Variants in ASTN2 observed in about 807,000 individuals in gnomAD.
ASTN2 encodes astrotactin-2.
In ASTN2, 54 loss-of-function variants were observed where a neutral mutation model predicts 139.8. The ratio of observed to expected loss-of-function variants is 0.39; its 90% confidence interval spans 0.31 to 0.48. ASTN2 has a LOEUF of 0.48. Among genes scored for constraint, ASTN2 ranks in the 20% least tolerant of loss-of-function variants. The pLI is 0.95. For missense variants in ASTN2, 1,565 were observed against 1,725.1 expected (o/e 0.91, Z 1.64); for synonymous variants, 756 against 719.5 (o/e 1.05, Z -0.81).
chr9:117,381,084 T>C (rs1403806265), intron 1 of ASTN2, among the ~76,000 whole-genome samples: 1 of 152,208 alleles, frequency 6.6e-6, no homozygotes, highest in Non-Finnish European at 1.5e-5. Flanking sequence ...TGCTGATAGA[T>C]GTTTCAATAT....
chr9:117,065,229 G>T (rs1827901434), intron 5 of ASTN2, among the ~76,000 whole-genome samples: 1 of 152,120 alleles, frequency 6.6e-6, no homozygotes, highest in Non-Finnish European at 1.5e-5. Context: ...GGAATACCTT[G>T]ATTTTGGAAT....
chr9:116,614,695 T>C (rs2131811109), intron 19 of ASTN2, among the ~76,000 whole-genome samples: 1 of 152,298 alleles, frequency 6.6e-6, no homozygotes, highest in Admixed American at 6.5e-5. Flanking sequence ...ACTGGATCCC[T>C]TCCTTACATC....
intron 16 of ASTN2, among the ~76,000 whole-genome samples, chr9:116,723,469 T>G (rs1031925868): frequency 1.3e-5 from 2 of 152,150 alleles, no homozygotes; most frequent in African/African-American, 2.4e-5. Flanking sequence ...ACTTCAGCAC[T>G]GCACTATCTC....
intron 2 of ASTN2, among the ~76,000 whole-genome samples, chr9:117,290,928 C>T (rs1468044693): frequency 6.6e-6 from 1 of 152,170 alleles, no homozygotes; most frequent in Admixed American, 6.5e-5. Context: ...GAAAAGGCAG[C>T]CTGTTCTGGT....
At chr9:116,547,126 T>C (rs1010549044) in intron 19 of ASTN2, among the ~76,000 whole-genome samples, 2 of 152,166 alleles carry the variant, frequency 1.3e-5, no homozygotes, top group Non-Finnish European at 2.9e-5. Flanking sequence ...CCTGAGTACT[T>C]AAGAACCAAA....
At chr9:116,499,747 T>C (rs1849792746) in intron 19 of ASTN2, among the ~76,000 whole-genome samples, 1 of 152,162 alleles carries the variant, frequency 6.6e-6, no homozygotes, top group Non-Finnish European at 1.5e-5. Flanking sequence ...GACCTCATTA[T>C]GCATCAACCT....
At chr9:116,985,667 G>T (rs1295878249) in intron 7 of ASTN2, among the ~76,000 whole-genome samples, 2 of 152,176 alleles carry the variant, frequency 1.3e-5, no homozygotes, top group Non-Finnish European at 2.9e-5. Context: ...GTATGGAGTG[G>T]GGTGAAGAAA....
intron 20 of ASTN2, among the ~76,000 whole-genome samples, chr9:116,470,230 A>T (rs10817895): frequency 0.29 from 43,724 of 152,066 alleles, 6,793 homozygotes; most frequent in East Asian, 0.49. Context: ...AATAAAAAAA[A>T]TAAAAAGATT....
intron 19 of ASTN2, among the ~76,000 whole-genome samples, chr9:116,580,286 A>G (rs1853897195): frequency 6.6e-6 from 1 of 152,148 alleles, no homozygotes. Context: ...AGGGGAGAGG[A>G]AACAGGAAGA....
intron 6 of ASTN2, among the ~76,000 whole-genome samples, chr9:117,013,721 G>A (rs116379122): frequency 6.6e-6 from 1 of 152,058 alleles, no homozygotes; most frequent in Non-Finnish European, 1.5e-5. Context: ...AGGCCACTCT[G>A]TAGCATACTC....
At position 117,096,015 on chromosome 9, in the gene ASTN2, GT is replaced by G. The variant is rs777227267; in HGVS notation, c.1276+28del. On this transcript the variant is annotated intron_variant, in intron 5 of 22. Transcript: ENST00000313400. ...CCAGGATTTCCTTCTACAAACTCTG[GT>G]TCTGGAACCTTCCAAGGACACTATT... 7.5e-5 allele frequency: 120 copies of G among 1,598,684 alleles called. 3 individuals are homozygous for G. The Middle Eastern group carries it at 9.9e-4, about 13-fold the overall frequency.
chr9:116,755,621 T>C (rs1273935624), intron 13 of ASTN2, among the ~76,000 whole-genome samples: 1 of 152,232 alleles, frequency 6.6e-6, no homozygotes, highest in Non-Finnish European at 1.5e-5. Context: ...ACCCATCCAG[T>C]TGGTGGCATT....
chr9:117,338,441 C>T (rs1446905989), intron 1 of ASTN2, among the ~76,000 whole-genome samples: 1 of 152,184 alleles, frequency 6.6e-6, no homozygotes, highest in African/African-American at 2.4e-5. Context: ...TCCATTCAGC[C>T]CTCCTCCCAT....
intron 6 of ASTN2, among the ~76,000 whole-genome samples, chr9:117,020,562 G>T (rs1308505406): frequency 6.6e-6 from 1 of 152,030 alleles, no homozygotes; most frequent in African/African-American, 2.4e-5. Context: ...TCACCTGGAA[G>T]TAGCCTGTCC....
chr9:116,898,143 G>A (rs117324367), intron 10 of ASTN2, among the ~76,000 whole-genome samples: 1,616 of 152,130 alleles, frequency 0.011, 17 homozygotes, highest in Non-Finnish European at 0.016. Flanking sequence ...GCATTGGCTC[G>A]TGTCTGTAAT....
At position 116,426,599 on chromosome 9, in the gene ASTN2, G is replaced by C. The variant is rs556649593; in HGVS notation, c.3783-511C>G. On this transcript the variant is annotated intron_variant, in intron 22 of 22. Coordinates refer to ENST00000313400, the MANE Select transcript of ASTN2 (RefSeq NM_001365068.1). ...CTTGACTAAGGCAAACATCGAGTCA[G>C]CCACTGGAGTTGGGAAGAATCTAAA... 1.7e-4 allele frequency among the ~76,000 whole-genome samples: 26 copies of C among 152,280 alleles called. No individual in the cohort carries two copies. The South Asian group carries it at 4.6e-3, about 27-fold the overall frequency.
chr9:116,695,877 T>A (rs1215628226), intron 16 of ASTN2, among the ~76,000 whole-genome samples: 1 of 152,218 alleles, frequency 6.6e-6, no homozygotes, highest in Non-Finnish European at 1.5e-5. Flanking sequence ...AGAAATAAAC[T>A]GTCTTGATAA....
chr9:116,854,514 G>A lies in ASTN2; in HGVS notation c.2040+9069C>T, dbSNP rs1832687561. ...AAAAACTGTGTACTTAAGCACTATA[G>A]TGTCTTCCCAAAAGTAGGGGATGGT... On this transcript the variant is annotated intron_variant, in intron 11 of 22. Coordinates refer to ENST00000313400, the MANE Select transcript of ASTN2 (RefSeq NM_001365068.1). Among the ~76,000 whole-genome samples, 3 of 152,182 alleles carry A rather than the reference G, an allele frequency of 2.0e-5. No individual in the cohort carries two copies. In the South Asian group the frequency reaches 6.2e-4, roughly 32 times the overall value.
At chr9:116,964,265 G>GCGCGTGCA (rs1554765684) in intron 10 of ASTN2, among the ~76,000 whole-genome samples, 9 of 149,808 alleles carry the variant, frequency 6.0e-5, no homozygotes, top group Admixed American at 6.0e-4. Flanking sequence ...GTGCGCGCGC[G>GCGCGTGCA]CGCGTGTGTG....
Sources: allele counts gnomAD v4.1 joint callset (sites outside exome capture counted in the v4.1 genomes callset), GRCh38; gene constraint gnomAD v4.1.1; transcripts MANE v1.5; gene names NCBI Gene and HGNC (gene_info 2026-07-23, HGNC 2026-07-21).